The following AFAP1 variants were observed in gnomAD, a reference collection of about 807,000 sequenced individuals.
The protein encoded by AFAP1 is actin filament-associated protein 1.
In AFAP1, 75 loss-of-function variants were observed where a neutral mutation model predicts 93.9. The ratio of observed to expected loss-of-function variants is 0.80; its 90% confidence interval spans 0.66 to 0.97. The LOEUF is 0.97. AFAP1 is among the 50% of genes least tolerant of loss of function. AFAP1 has a pLI of 0.00. For synonymous variants in AFAP1, 517 were observed against 430.7 expected (o/e 1.20, Z -2.48); for missense variants, 1,201 against 1,050.8 (o/e 1.14, Z -1.98).
chr4:7,758,904 G>A lies in AFAP1; in HGVS notation c.*4861C>T, dbSNP rs947194571. On this transcript the variant is annotated 3_prime_UTR_variant, in exon 18 of 18. Coordinates refer to ENST00000420658, the MANE Select transcript of AFAP1 (RefSeq NM_001134647.2). ...TCTTTTCATAAAATTTTTACTTTAT[G>A]AATTAAATACATTGAGAAACAGTGA... 2 of 152,138 alleles carry A rather than the reference G, an allele frequency of 1.3e-5. No homozygotes were observed. The highest frequency in any genetic ancestry group is 2.9e-5 in the Non-Finnish European group (2 of 68,028). The allele number at this position is 152,138 out of a possible 1,614,324, so 9.4% of individuals were successfully genotyped here. A position where few individuals can be genotyped will look rare whatever the true frequency, so the allele number is the denominator to read the frequency against.
At chr4:7,803,784 G>T (rs934865935) in intron 9 of AFAP1, among the ~76,000 whole-genome samples, 1 of 152,264 alleles carries the variant, frequency 6.6e-6, no homozygotes, top group Non-Finnish European at 1.5e-5. Flanking sequence ...CTGTAAAAGG[G>T]ATGATTATAT....
At chr4:7,774,929 T>TA (rs746802687) in intron 14 of AFAP1, 26 bp from the exon 15 acceptor site, 2 of 1,597,354 alleles carry the variant, frequency 1.3e-6, no homozygotes, top group South Asian at 2.3e-5. Context: ...AAGCAGCAAT[T>TA]AAAAATTAGG....
At chr4:7,766,002 T>TTTA (rs1714515762) in intron 17 of AFAP1, among the ~76,000 whole-genome samples, 1 of 152,178 alleles carries the variant, frequency 6.6e-6, no homozygotes, top group African/African-American at 2.4e-5. Context: ...GCTCATTAAC[T>TTTA]GGGTCATGAG....
At chr4:7,822,033 G>A (rs574138757) in intron 6 of AFAP1, among the ~76,000 whole-genome samples, 6 of 152,256 alleles carry the variant, frequency 3.9e-5, no homozygotes, top group South Asian at 4.1e-4. Context: ...TGTTTCTCTC[G>A]CTTTCATGCT....
At chr4:7,809,043 G>C (rs1719777460) in intron 9 of AFAP1, among the ~76,000 whole-genome samples, 1 of 141,506 alleles carries the variant, frequency 7.1e-6, no homozygotes, top group Non-Finnish European at 1.5e-5. Flanking sequence ...GACGTGATAA[G>C]GAAGCTTAGT....
chr4:7,801,176 G>A (rs1003224525), intron 9 of AFAP1, among the ~76,000 whole-genome samples: 1 of 152,222 alleles, frequency 6.6e-6, no homozygotes, highest in East Asian at 1.9e-4. Flanking sequence ...GAGGCACTAA[G>A]ATCCCCAGCG....
rs186709087 is a variant in AFAP1 at position 7,887,975 on chromosome 4, C to T, written c.-2-15895G>A. On this transcript the variant is annotated intron_variant, in intron 1 of 17. Coordinates refer to ENST00000420658, the MANE Select transcript of AFAP1 (RefSeq NM_001134647.2). ...CCAAGTAGCTGGGATTACAGGCACGCGCCACCACGCCCGGCTAAGTTTTGT... is the reference window on the plus strand; with the variant it reads ...CCAAGTAGCTGGGATTACAGGCACGTGCCACCACGCCCGGCTAAGTTTTGT... Among the ~76,000 whole-genome samples, 58 of 152,092 alleles carry T rather than the reference C, an allele frequency of 3.8e-4. 1 individual carries two copies. In the East Asian group the frequency reaches 7.0e-3, roughly 18 times the overall value.
chr4:7,903,841 A>C lies in AFAP1; in HGVS notation c.-2-31761T>G, dbSNP rs558397624. ...AAAGGAGGCGGGCGGGCAGCATCAA[A>C]ATGATGGTGATGTTTTAAGATGGCT... On this transcript the variant is annotated intron_variant, in intron 1 of 17. Coordinates refer to ENST00000420658, the MANE Select transcript of AFAP1 (RefSeq NM_001134647.2). 3.2e-4 allele frequency among the ~76,000 whole-genome samples: 49 copies of C among 152,278 alleles called. 2 individuals carry two copies. In the South Asian group the frequency reaches 8.1e-3, roughly 25 times the overall value.
chr4:7,850,199 TC>T (rs1424550687), intron 4 of AFAP1, among the ~76,000 whole-genome samples: 1 of 152,212 alleles, frequency 6.6e-6, no homozygotes, highest in African/African-American at 2.4e-5. Context: ...TAATCTTGTC[TC>T]TCTGAGAGTT....
At chr4:7,927,086 T>C (rs950189159) in intron 1 of AFAP1, among the ~76,000 whole-genome samples, 2 of 152,200 alleles carry the variant, frequency 1.3e-5, no homozygotes, top group African/African-American at 4.8e-5. Context: ...AAATCAGAGA[T>C]GTGGCCTTGG....
chr4:7,767,994 T>C (rs952354305), intron 17 of AFAP1, among the ~76,000 whole-genome samples: 6 of 152,230 alleles, frequency 3.9e-5, no homozygotes, highest in Admixed American at 3.9e-4. Context: ...GAGGATCACC[T>C]GAGCCCAGGA....
intron 1 of AFAP1, among the ~76,000 whole-genome samples, chr4:7,876,853 C>G (rs962587121): frequency 6.6e-6 from 1 of 152,222 alleles, no homozygotes; most frequent in African/African-American, 2.4e-5. Context: ...ACTCCCATAG[C>G]AGACAGTTGT....
At chr4:7,808,701 G>A (rs1489642266) in intron 9 of AFAP1, among the ~76,000 whole-genome samples, 1 of 152,176 alleles carries the variant, frequency 6.6e-6, no homozygotes, top group Non-Finnish European at 1.5e-5. Flanking sequence ...GGCCTGGTGG[G>A]AGGTGCTTGG....
intron 4 of AFAP1, among the ~76,000 whole-genome samples, chr4:7,855,159 C>G (rs1714903773): frequency 6.6e-6 from 1 of 152,204 alleles, no homozygotes; most frequent in South Asian, 2.1e-4. Context: ...CTGTAGCACG[C>G]ACCCAAAAAA....
chr4:7,771,100 G>A (rs576346228), intron 16 of AFAP1, among the ~76,000 whole-genome samples: 13 of 152,332 alleles, frequency 8.5e-5, no homozygotes, highest in African/African-American at 1.7e-4. Flanking sequence ...AGATCTGTCC[G>A]CATCTGACAC....
intron 6 of AFAP1, among the ~76,000 whole-genome samples, chr4:7,819,421 G>A (rs1286566944): frequency 6.6e-6 from 1 of 152,196 alleles, no homozygotes; most frequent in Non-Finnish European, 1.5e-5. Flanking sequence ...TGCTGGCATG[G>A]AGTTTCATTC....
intron 1 of AFAP1, among the ~76,000 whole-genome samples, chr4:7,933,072 C>CA (rs35032009): frequency 6.4e-5 from 9 of 139,546 alleles, no homozygotes; most frequent in East Asian, 2.0e-4. Flanking sequence ...TGACGATTTG[C>CA]AAAAAAAAAT....
At chr4:7,799,076 C>T in intron 10 of AFAP1, 1 of 986,058 alleles carries the variant, frequency 1.0e-6, no homozygotes, top group Non-Finnish European at 1.2e-6. Flanking sequence ...ACAAGGTACA[C>T]TGACTCTAGC....
chr4:7,907,520 G>A (rs1414207788), intron 1 of AFAP1, among the ~76,000 whole-genome samples: 1 of 152,054 alleles, frequency 6.6e-6, no homozygotes, highest in Non-Finnish European at 1.5e-5. Context: ...TAGTAACAAA[G>A]TGAAAACCAA....
Sources: gnomAD v4.1 joint callset for allele counts (sites outside exome capture counted in the v4.1 genomes callset) on GRCh38, gnomAD v4.1.1 for gene constraint, MANE v1.5 for transcripts, NCBI Gene and HGNC (gene_info 2026-07-23, HGNC 2026-07-21) for gene names.